The following SLCO3A1 variants were observed in gnomAD, a reference collection of about 807,000 sequenced individuals.
SLCO3A1 encodes PGE1 transporter.
In SLCO3A1, 27 loss-of-function variants were observed where a neutral mutation model predicts 63.1. The ratio of observed to expected loss-of-function variants is 0.43; its 90% CI spans 0.32 to 0.59. SLCO3A1 has a LOEUF of 0.59. Among genes scored for constraint, SLCO3A1 ranks in the 20% least tolerant of loss-of-function variants. The pLI, the probability that SLCO3A1 is intolerant of heterozygous loss-of-function variation, is 0.09. For synonymous variants in SLCO3A1, 473 were observed against 409.9 expected (o/e 1.15, Z -1.86); for missense variants, 773 against 945.8 (o/e 0.82, Z 2.40).
At chr15:92,007,475 G>T in intron 2 of SLCO3A1, among the ~76,000 whole-genome samples, 1 of 152,170 alleles carries the variant, frequency 6.6e-6, no homozygotes, top group South Asian at 2.1e-4. Flanking sequence ...ATGTTGTTTT[G>T]GGGGAGAACA....
chr15:91,926,790 C>A (rs573987483), intron 2 of SLCO3A1, among the ~76,000 whole-genome samples: 2 of 151,990 alleles, frequency 1.3e-5, no homozygotes, highest in African/African-American at 4.8e-5. Flanking sequence ...ATGTGCCTTG[C>A]GGGAGTCGGG....
At chr15:92,018,446 A>C (rs1405568264) in intron 2 of SLCO3A1, among the ~76,000 whole-genome samples, 4 of 152,150 alleles carry the variant, frequency 2.6e-5, no homozygotes, top group African/African-American at 4.8e-5. Context: ...TGTTACATCC[A>C]CGACCCCACC....
At chr15:91,909,703 C>G (rs1898422989) in intron 1 of SLCO3A1, among the ~76,000 whole-genome samples, 1 of 152,182 alleles carries the variant, frequency 6.6e-6, no homozygotes, top group African/African-American at 2.4e-5. Context: ...TCCTCCCAGC[C>G]TCATAGAGCA....
chr15:91,922,027 G>T (rs6496867), intron 2 of SLCO3A1, among the ~76,000 whole-genome samples: 3 of 151,972 alleles, frequency 2.0e-5, no homozygotes, highest in African/African-American at 7.3e-5. Context: ...GAGCCACTGC[G>T]CCCGGCCAAG....
intron 2 of SLCO3A1, among the ~76,000 whole-genome samples, chr15:92,087,513 A>ATTTTTTTT (rs1454617874): frequency 7.3e-6 from 1 of 136,550 alleles, no homozygotes; most frequent in African/African-American, 2.9e-5. Context: ...TTTATTATCT[A>ATTTTTTTT]TTATTTTTTT....
rs143959044 is a variant in SLCO3A1, at chr15:92,117,575, G to A, written c.1010-2890G>A. Reference sequence around the variant, plus strand: ...TACTTGCCAAAACACATAAACCACCGGGACATTCAAATGTATTCATTACAA... The same window carrying A: ...TACTTGCCAAAACACATAAACCACCAGGACATTCAAATGTATTCATTACAA... On this transcript the variant is annotated intron_variant, in intron 4 of 9. Coordinates refer to ENST00000318445, the MANE Select transcript of SLCO3A1 (RefSeq NM_013272.4). Among the ~76,000 whole-genome samples the A allele has an allele frequency of 4.6e-5, 7 of 152,214 alleles. No individual in the cohort carries two copies. The East Asian group carries it at 9.6e-4, about 21-fold the overall frequency.
Position 92,098,906 on chromosome 15 carries a change from A to G in SLCO3A1, c.745+3927A>G, listed in dbSNP as rs1337828257. ...TAAGCACACAATAAATACTTATAAT[A>G]AGAAATCCGAGAGAGGTTAACAGTT... On this transcript the variant is annotated intron_variant, in intron 3 of 9. Transcript: ENST00000318445. 2.6e-5 allele frequency among the ~76,000 whole-genome samples: 4 copies of G among 152,192 alleles called. 1 individual carries two copies. The highest frequency in any genetic ancestry group is 9.7e-5 in the African/African-American group (4 of 41,436).
intron 8 of SLCO3A1, 28 bp from the exon 9 acceptor site, chr15:92,150,922 T>C (rs2048296815): frequency 1.3e-6 from 2 of 1,579,044 alleles, no homozygotes; most frequent in East Asian, 4.5e-5. Context: ...ATCTGGTTTT[T>C]TTTTTCTCTT....
At chr15:92,008,913 T>C (rs2151460432) in intron 2 of SLCO3A1, among the ~76,000 whole-genome samples, 1 of 152,340 alleles carries the variant, frequency 6.6e-6, no homozygotes, top group East Asian at 1.9e-4. Context: ...AAGAGCAATA[T>C]TTCAGCTAGG....
At chr15:92,127,544 C>T (rs1041330565) in intron 6 of SLCO3A1, among the ~76,000 whole-genome samples, 11 of 152,080 alleles carry the variant, frequency 7.2e-5, no homozygotes, top group African/African-American at 2.2e-4. Flanking sequence ...CATAAATTGC[C>T]GGGTGTCGCC....
intron 2 of SLCO3A1, among the ~76,000 whole-genome samples, chr15:92,019,169 C>T (rs1010889594): frequency 1.3e-5 from 2 of 152,138 alleles, no homozygotes; most frequent in African/African-American, 4.8e-5. Context: ...CTCACTTGTG[C>T]AGGCAGAGGT....
At chr15:92,002,272 T>C (rs2046264902) in intron 2 of SLCO3A1, among the ~76,000 whole-genome samples, 1 of 152,184 alleles carries the variant, frequency 6.6e-6, no homozygotes, top group Middle Eastern at 3.2e-3. Flanking sequence ...GCCAGGGCCC[T>C]GTTCCAAGGC....
chr15:92,149,964 C>T lies in SLCO3A1; in HGVS notation c.1689-986C>T, dbSNP rs115048322. On this transcript the variant is annotated intron_variant, in intron 8 of 9. Coordinates refer to ENST00000318445, the MANE Select transcript of SLCO3A1 (RefSeq NM_013272.4). ...GCTTTGAAGAACTTGGATTTTGTAA[C>T]GTGCACGTTCTAAAGGGTGCTGACT... Among the ~76,000 whole-genome samples, 1,122 of 152,232 alleles carry T rather than the reference C, an allele frequency of 7.4e-3. 13 individuals carry two copies. Among genetic ancestry groups the T allele is most frequent in the African/African-American group, 0.025 (1,046 of 41,544 alleles).
intron 2 of SLCO3A1, among the ~76,000 whole-genome samples, chr15:92,078,438 A>G (rs1223278819): frequency 6.6e-6 from 1 of 152,208 alleles, no homozygotes; most frequent in Non-Finnish European, 1.5e-5. Context: ...TTCTTGCTGT[A>G]GGCAGGTCAT....
chr15:92,051,188 G>A (rs1219264169), intron 2 of SLCO3A1, among the ~76,000 whole-genome samples: 1 of 152,204 alleles, frequency 6.6e-6, no homozygotes, highest in Admixed American at 6.5e-5. Flanking sequence ...TCCACAGTGA[G>A]GTGAAGGCTT....
At chr15:92,144,035 G>C (rs1567143721) in intron 7 of SLCO3A1, among the ~76,000 whole-genome samples, 1 of 152,228 alleles carries the variant, frequency 6.6e-6, no homozygotes, top group Non-Finnish European at 1.5e-5. Context: ...GCCAAGTCGG[G>C]AGTGCTGGGA....
At chr15:92,091,942 G>C (rs1303936100) in intron 2 of SLCO3A1, among the ~76,000 whole-genome samples, 1 of 152,208 alleles carries the variant, frequency 6.6e-6, no homozygotes, top group East Asian at 1.9e-4. Flanking sequence ...ATTTGGTGGA[G>C]AGGCTGCCTC....
At position 92,127,182 on chromosome 15, in the gene SLCO3A1, G is replaced by A. The variant is rs76971775; in HGVS notation, c.1373+923G>A. 2.2e-4 allele frequency among the ~76,000 whole-genome samples: 34 copies of A among 152,096 alleles called. No individual in the cohort carries two copies. In the East Asian group the frequency reaches 4.5e-3, roughly 20 times the overall value. On this transcript the variant is annotated intron_variant, in intron 6 of 9. Transcript: ENST00000318445. ...CACGGGGTTGCCCCTTCCAATCCCC[G>A]CCCCAGCCTGGCCCCGACTTCGTGT...
chr15:92,134,163 A>C (rs1004134699), intron 7 of SLCO3A1, among the ~76,000 whole-genome samples: 2 of 152,130 alleles, frequency 1.3e-5, no homozygotes, highest in Non-Finnish European at 2.9e-5. Context: ...CATCCCTTAC[A>C]CCTGAGCCAT....
Sources: gnomAD v4.1 joint callset for allele counts (sites outside exome capture counted in the v4.1 genomes callset) on GRCh38, gnomAD v4.1.1 for gene constraint, MANE v1.5 for transcripts, NCBI Gene and HGNC (gene_info 2026-07-23, HGNC 2026-07-21) for gene names.